Variants in LIN7A observed in about 807,000 individuals in gnomAD.
LIN7A encodes lin-7 cell polarity scaffold A, also known as protein lin-7 homolog A.
A neutral mutation model predicts 29.8 loss-of-function variants in LIN7A; 25 were observed. The ratio of observed to expected loss-of-function variants is 0.84; its 90% CI spans 0.61 to 1.17. LIN7A has a LOEUF of 1.17. Among genes scored for constraint, LIN7A ranks in the 50% most tolerant of loss-of-function variants. LIN7A has a pLI of 0.00. For synonymous variants in LIN7A, 118 were observed against 107.5 expected (o/e 1.10, Z -0.60); for missense variants, 239 against 287.0 (o/e 0.83, Z 1.21).
chr12:80,901,357 TTTC>T (rs1375002967), intron 1 of LIN7A, among the ~76,000 whole-genome samples: 1 of 152,158 alleles, frequency 6.6e-6, no homozygotes, highest in African/African-American at 2.4e-5. Context: ...TATTTTACCT[TTTC>T]TTCCCTAATT....
chr12:80,925,936 T>A (rs1877558245), intron 1 of LIN7A, among the ~76,000 whole-genome samples: 1 of 152,230 alleles, frequency 6.6e-6, no homozygotes, highest in African/African-American at 2.4e-5. Flanking sequence ...CATTCTCCTC[T>A]TTATTTTCTT....
At chr12:80,859,253 C>A (rs1873750187) in intron 2 of LIN7A, among the ~76,000 whole-genome samples, 1 of 152,006 alleles carries the variant, frequency 6.6e-6, no homozygotes, top group Non-Finnish European at 1.5e-5. Flanking sequence ...AATTAGGGAG[C>A]AAACAATGTA....
At chr12:80,917,666 C>T (rs1349363773) in intron 1 of LIN7A, among the ~76,000 whole-genome samples, 1 of 151,814 alleles carries the variant, frequency 6.6e-6, no homozygotes, top group East Asian at 1.9e-4. Flanking sequence ...GTGTTATGCT[C>T]TTAGTTTATA....
intron 2 of LIN7A, among the ~76,000 whole-genome samples, chr12:80,875,217 G>C (rs1795505): frequency 0.68 from 103,238 of 151,966 alleles, 39,091 homozygotes; most frequent in Non-Finnish European, 0.87. Context: ...TTTACAGTAG[G>C]TGAAGGTACC....
Position 80,848,367 on chromosome 12 carries a change from A to G in LIN7A, c.202-45T>C, listed in dbSNP as rs11114636. The G allele has an allele frequency of 3.4e-3, 4,607 of 1,341,644 alleles. 127 individuals are homozygous for G. In the African/African-American group the frequency reaches 0.059, roughly 17 times the overall value. The allele number at this position is 1,341,644 out of a possible 1,614,324, so 83.1% of individuals were successfully genotyped here. A position where few individuals can be genotyped will look rare whatever the true frequency, so the allele number is the denominator to read the frequency against. ...AGAAGAATGTGTAAGAACATGAAGA[A>G]TAATAATTCTTTTATTGCAGAAAGA... is the stretch of plus-strand genomic sequence containing the variant. On this transcript the variant is annotated intron_variant, in intron 2 of 5. Coordinates refer to ENST00000552864, the MANE Select transcript of LIN7A (RefSeq NM_004664.4).
At chr12:80,936,702 C>T (rs1232240426) in intron 1 of LIN7A, 2 of 149,214 alleles carry the variant, frequency 1.3e-5, no homozygotes, top group Non-Finnish European at 3.0e-5. Flanking sequence ...ACCAGTGAGG[C>T]CCCGATCGCA....
intron 1 of LIN7A, among the ~76,000 whole-genome samples, chr12:80,902,469 T>TATG (rs34113145): frequency 0.68 from 102,965 of 151,560 alleles, 38,919 homozygotes; most frequent in Non-Finnish European, 0.87. Flanking sequence ...TGGCTATTTT[T>TATG]ATATTGATTC....
intron 2 of LIN7A, among the ~76,000 whole-genome samples, chr12:80,880,058 T>A (rs1322719083): frequency 7.9e-5 from 12 of 152,344 alleles, no homozygotes; most frequent in Non-Finnish European, 1.8e-4. Flanking sequence ...TCTTTACAGA[T>A]GTTTGTAGAT....
chr12:80,849,608 G>A (rs1873232055), intron 2 of LIN7A, among the ~76,000 whole-genome samples: 1 of 152,108 alleles, frequency 6.6e-6, no homozygotes, highest in Admixed American at 6.6e-5. Flanking sequence ...CTGCAAAGGT[G>A]ATAAGGGCAA....
At chr12:80,932,498 A>G (rs1877968087) in intron 1 of LIN7A, among the ~76,000 whole-genome samples, 1 of 152,230 alleles carries the variant, frequency 6.6e-6, no homozygotes, top group Admixed American at 6.5e-5. Context: ...GATGATAGTA[A>G]TACCAACCTT....
chr12:80,828,641 A>T (rs1187083337), intron 4 of LIN7A, among the ~76,000 whole-genome samples: 1 of 152,180 alleles, frequency 6.6e-6, no homozygotes, highest in East Asian at 1.9e-4. Flanking sequence ...TCCCAATTTC[A>T]TATATGAGGA....
At chr12:80,917,623 A>G (rs1877091851) in intron 1 of LIN7A, among the ~76,000 whole-genome samples, 1 of 152,120 alleles carries the variant, frequency 6.6e-6, no homozygotes. Context: ...ATTTTTAAAT[A>G]ATCTTTTTTC....
chr12:80,792,705 T>C lies in LIN7A; in HGVS notation c.*5022A>G, dbSNP rs1870259615. The C allele has an allele frequency of 6.6e-6, 1 of 152,192 alleles. No individual in the cohort carries two copies. Among genetic ancestry groups the C allele is most frequent in the Non-Finnish European group, 1.5e-5 (1 of 68,028 alleles). The allele number at this position is 152,192 out of a possible 1,614,324, so 9.4% of individuals were successfully genotyped here. A position where few individuals can be genotyped will look rare whatever the true frequency, so the allele number is the denominator to read the frequency against. ...TCCCGTAAATGTAAAATATCCTTAG[T>C]TCATCTCCAAACTGTGTATTTATTA... On this transcript the variant is annotated 3_prime_UTR_variant, in exon 6 of 6. Coordinates refer to ENST00000552864, the MANE Select transcript of LIN7A (RefSeq NM_004664.4).
Position 80,848,298 on chromosome 12 carries a change from T to C in LIN7A, c.226A>G (p.Ile76Val), listed in dbSNP as rs138695445. 1.9e-6 allele frequency: 3 copies of C among 1,612,670 alleles called. No homozygotes were observed. Among genetic ancestry groups the C allele is most frequent in the Admixed American group, 1.7e-5 (1 of 59,980 alleles). The change falls in exon 3 of 6, where the codon ATA becomes GTA. Residue 76 changes from isoleucine to valine, a missense_variant. By Grantham distance (29) the Ile-to-Val change is conservative. Transcript: ENST00000552864. ...AATTCGGGACAGCCATTAACAGTTA[T>C]CGTTTCATGCATATATTGATACACC... Reference protein sequence around the residue: ...REVYQYMHETITVNGCPEFRA... With the variant: ...REVYQYMHETVTVNGCPEFRA...
chr12:80,877,140 T>C (rs1229938549), intron 2 of LIN7A, among the ~76,000 whole-genome samples: 1 of 79,918 alleles, frequency 1.3e-5, no homozygotes, highest in Admixed American at 1.1e-4. Context: ...AAAAAAAAAG[T>C]TAAATATTCT....
chr12:80,934,772 T>C (rs568172118), intron 1 of LIN7A, among the ~76,000 whole-genome samples: 12 of 152,346 alleles, frequency 7.9e-5, no homozygotes, highest in Non-Finnish European at 1.3e-4. Flanking sequence ...AAAATGAAGA[T>C]ACCAAAAAAG....
chr12:80,835,060 T>C (rs1034164417), intron 4 of LIN7A, among the ~76,000 whole-genome samples: 1 of 152,198 alleles, frequency 6.6e-6, no homozygotes, highest in African/African-American at 2.4e-5. Flanking sequence ...AAATGATGCT[T>C]TTTTGGACCA....
intron 1 of LIN7A, among the ~76,000 whole-genome samples, chr12:80,892,651 A>G (rs1215359698): frequency 1.3e-5 from 2 of 152,184 alleles, no homozygotes; most frequent in African/African-American, 4.8e-5. Context: ...TCTCCAGAAC[A>G]GTGGTTTTCA....
intron 1 of LIN7A, among the ~76,000 whole-genome samples, chr12:80,923,275 C>G (rs1055385216): frequency 6.6e-6 from 1 of 152,194 alleles, no homozygotes; most frequent in African/African-American, 2.4e-5. Flanking sequence ...CTGTCTCAAA[C>G]TGAGAGTTAC....
Sources: allele counts gnomAD v4.1 joint callset (sites outside exome capture counted in the v4.1 genomes callset), GRCh38; gene constraint gnomAD v4.1.1; transcripts MANE v1.5; gene names NCBI Gene and HGNC (gene_info 2026-07-23, HGNC 2026-07-21).